Variants in ADAMTS12 observed in about 807,000 individuals in gnomAD.
The protein encoded by ADAMTS12 is ADAM metallopeptidase with thrombospondin type 1 motif 12, also known as A disintegrin and metalloproteinase with thrombospondin motifs 12.
Under a neutral mutation model 167.8 loss-of-function variants are expected in ADAMTS12, and 118 were observed. The observed-to-expected ratio is 0.70, with a 90% CI of 0.61 to 0.82. The LOEUF is 0.82. Among genes scored for constraint, ADAMTS12 ranks in the 40% least tolerant of loss-of-function variants. ADAMTS12 has a pLI of 0.00. For synonymous variants in ADAMTS12, 704 were observed against 716.9 expected (o/e 0.98, Z 0.29); for missense variants, 1,916 against 1,998.8 (o/e 0.96, Z 0.79).
At chr5:33,770,775 CCTG>C (rs1194907809) in intron 2 of ADAMTS12, among the ~76,000 whole-genome samples, 5 of 151,858 alleles carry the variant, frequency 3.3e-5, no homozygotes, top group Non-Finnish European at 7.4e-5. Context: ...CCCTATCCTC[CCTG>C]CTTTCTTCTT....
intron 14 of ADAMTS12, among the ~76,000 whole-genome samples, chr5:33,622,075 A>G (rs1431704649): frequency 6.6e-6 from 1 of 152,198 alleles, no homozygotes; most frequent in Non-Finnish European, 1.5e-5. Context: ...AGGCACAGGG[A>G]GATGTCAAAT....
intron 15 of ADAMTS12, among the ~76,000 whole-genome samples, chr5:33,615,023 C>T (rs1738921997): frequency 6.6e-6 from 1 of 152,200 alleles, no homozygotes; most frequent in African/African-American, 2.4e-5. Context: ...AGGTATGCTG[C>T]TCTTGGGATC....
chr5:33,749,782 T>G (rs1744913807), intron 3 of ADAMTS12, among the ~76,000 whole-genome samples: 2 of 152,332 alleles, frequency 1.3e-5, no homozygotes, highest in Admixed American at 6.5e-5. Context: ...AACCCCACTC[T>G]TTTCTTATCC....
Position 33,616,058 on chromosome 5 carries a change from C to T in ADAMTS12, c.2158G>A (p.Gly720Arg). 4 of 1,613,932 alleles carry T rather than the reference C, an allele frequency of 2.5e-6. No individual in the cohort carries two copies. The highest frequency in any genetic ancestry group is 3.4e-6 in the Non-Finnish European group (4 of 1,179,970). Residue 720 changes from glycine to arginine, a missense_variant, in exon 15 of 24, where the codon GGG becomes AGG. By Grantham distance (125) the Gly-to-Arg change is moderately radical (BLOSUM62 -2). Transcript: ENST00000504830. ...QKEGSGYVDI[G>R]LIPKGARDIR... ...TCCCTTGCTCCTTTTGGAATGAGCC[C>T]AATGTCAACATAACCTAAAGAGAGA...
chr5:33,798,216 T>A (rs1024119594), intron 2 of ADAMTS12, among the ~76,000 whole-genome samples: 3 of 151,726 alleles, frequency 2.0e-5, no homozygotes, highest in African/African-American at 4.9e-5. Context: ...CCAAGGGTAG[T>A]ATATTAGTCT....
chr5:33,567,990 G>A (rs574066719), intron 19 of ADAMTS12, among the ~76,000 whole-genome samples: 37 of 152,196 alleles, frequency 2.4e-4, no homozygotes, highest in East Asian at 7.7e-4. Context: ...TCTCAGCTTC[G>A]GTTTCCTTGC....
intron 20 of ADAMTS12, 79 bp from the exon 21 acceptor site, chr5:33,549,462 C>T (rs1035394995): frequency 8.6e-6 from 13 of 1,507,832 alleles, no homozygotes; most frequent in African/African-American, 5.5e-5. Context: ...GCCGTGGAGG[C>T]GCCAGGCATT....
At chr5:33,794,659 T>C (rs1746706179) in intron 2 of ADAMTS12, among the ~76,000 whole-genome samples, 1 of 152,098 alleles carries the variant, frequency 6.6e-6, no homozygotes, top group South Asian at 2.1e-4. Context: ...ACCGGCACTG[T>C]GGATGGCACA....
At chr5:33,604,236 C>T (rs1271447427) in intron 16 of ADAMTS12, among the ~76,000 whole-genome samples, 1 of 152,074 alleles carries the variant, frequency 6.6e-6, no homozygotes, top group Non-Finnish European at 1.5e-5. Context: ...AATTTATTTT[C>T]CCTGATAAAA....
chr5:33,573,612 C>T (rs1450804862), intron 19 of ADAMTS12, among the ~76,000 whole-genome samples: 2 of 152,196 alleles, frequency 1.3e-5, no homozygotes, highest in African/African-American at 2.4e-5. Flanking sequence ...GGATTAAAGA[C>T]TTACATGTTA....
intron 3 of ADAMTS12, among the ~76,000 whole-genome samples, chr5:33,727,446 C>A (rs914097405): frequency 6.6e-6 from 1 of 152,208 alleles, no homozygotes; most frequent in Non-Finnish European, 1.5e-5. Context: ...TTAGAGCAAA[C>A]CCAAAGCAAA....
At chr5:33,866,411 T>C (rs535283817) in intron 2 of ADAMTS12, among the ~76,000 whole-genome samples, 1 of 152,294 alleles carries the variant, frequency 6.6e-6, no homozygotes, top group Non-Finnish European at 1.5e-5. Context: ...AGAATTAAAC[T>C]GGATCCCCAT....
intron 2 of ADAMTS12, among the ~76,000 whole-genome samples, chr5:33,816,049 T>G (rs1239073772): frequency 6.6e-6 from 1 of 152,192 alleles, no homozygotes; most frequent in Non-Finnish European, 1.5e-5. Flanking sequence ...GGTCTGGTCC[T>G]GCCATAGTGA....
At chr5:33,560,197 ACT>A (rs1388659830) in intron 20 of ADAMTS12, among the ~76,000 whole-genome samples, 1 of 152,174 alleles carries the variant, frequency 6.6e-6, no homozygotes, top group Admixed American at 6.5e-5. Context: ...GTTAATAAAA[ACT>A]CTGTACTTCT....
chr5:33,700,838 T>A (rs951521913), intron 3 of ADAMTS12, among the ~76,000 whole-genome samples: 6 of 151,936 alleles, frequency 3.9e-5, no homozygotes, highest in African/African-American at 1.4e-4. Flanking sequence ...CTTATGACTG[T>A]ATGTGAATAT....
chr5:33,826,837 A>G (rs1162752327), intron 2 of ADAMTS12, among the ~76,000 whole-genome samples: 1 of 152,102 alleles, frequency 6.6e-6, no homozygotes, highest in Non-Finnish European at 1.5e-5. Flanking sequence ...AAACTGCAGA[A>G]CTGCAGCCAT....
At chr5:33,781,099 T>C (rs1001859527) in intron 2 of ADAMTS12, among the ~76,000 whole-genome samples, 1 of 152,178 alleles carries the variant, frequency 6.6e-6, no homozygotes, top group Non-Finnish European at 1.5e-5. Context: ...AGCTGAGTTC[T>C]TGGGGGACAT....
At chr5:33,804,246 C>A (rs1215432577) in intron 2 of ADAMTS12, among the ~76,000 whole-genome samples, 1 of 152,190 alleles carries the variant, frequency 6.6e-6, no homozygotes, top group Admixed American at 6.5e-5. Flanking sequence ...ATAGAGTTCC[C>A]TGCCCCTTGA....
At chr5:33,685,764 AG>A (rs2112266465) in intron 3 of ADAMTS12, among the ~76,000 whole-genome samples, 1 of 152,288 alleles carries the variant, frequency 6.6e-6, no homozygotes, top group South Asian at 2.1e-4. Flanking sequence ...ACCATTTTCT[AG>A]TTTCCTTCTC....
Sources: gnomAD v4.1 joint callset for allele counts (sites outside exome capture counted in the v4.1 genomes callset) on GRCh38, gnomAD v4.1.1 for gene constraint, MANE v1.5 for transcripts, NCBI Gene and HGNC (gene_info 2026-07-23, HGNC 2026-07-21) for gene names.